MYRFL: variants seen among roughly 807,000 people sequenced by gnomAD.
The protein encoded by MYRFL is myelin regulatory factor-like protein.
Under a neutral mutation model 109.4 loss-of-function variants are expected in MYRFL, and 88 were observed. The observed-to-expected ratio is 0.80, with a 90% CI of 0.68 to 0.96. The LOEUF (loss-of-function observed/expected upper bound fraction) is 0.96. MYRFL is among the 40% of genes least tolerant of loss of function. The pLI is 0.00. For synonymous variants in MYRFL, 324 were observed against 320.9 expected (o/e 1.01, Z -0.10); for missense variants, 957 against 954.9 (o/e 1.00, Z -0.03).
At chr12:69,861,246 C>T (rs1884643372) in intron 2 of MYRFL, among the ~76,000 whole-genome samples, 2 of 152,006 alleles carry the variant, frequency 1.3e-5, no homozygotes, top group South Asian at 4.2e-4. Flanking sequence ...GATTTATAGT[C>T]CTTTGGGTAT....
intron 1 of MYRFL, among the ~76,000 whole-genome samples, chr12:69,835,340 C>T (rs1882870573): frequency 6.6e-6 from 1 of 151,784 alleles, no homozygotes; most frequent in Non-Finnish European, 1.5e-5. Context: ...TTAACTACTT[C>T]TGCTGTTTTT....
At chr12:69,867,862 A>T (rs944611646) in intron 2 of MYRFL, among the ~76,000 whole-genome samples, 3 of 152,196 alleles carry the variant, frequency 2.0e-5, no homozygotes, top group Non-Finnish European at 4.4e-5. Context: ...ATATAATAAG[A>T]GAAAGCCTGA....
chr12:69,866,054 G>A (rs577991674), intron 2 of MYRFL, among the ~76,000 whole-genome samples: 3 of 152,228 alleles, frequency 2.0e-5, no homozygotes, highest in Middle Eastern at 3.4e-3. Flanking sequence ...AGGTCAATAC[G>A]TGGCAAAGCT....
At chr12:69,855,843 T>C (rs914752378) in intron 2 of MYRFL, among the ~76,000 whole-genome samples, 5 of 152,148 alleles carry the variant, frequency 3.3e-5, no homozygotes, top group African/African-American at 9.6e-5. Flanking sequence ...TCTCTCAAAG[T>C]ACCAGCTTTT....
At chr12:69,911,415 T>A (rs1954567018) in intron 13 of MYRFL, among the ~76,000 whole-genome samples, 2 of 152,196 alleles carry the variant, frequency 1.3e-5, no homozygotes, top group Admixed American at 6.5e-5. Context: ...TTGAGCATAG[T>A]TTTTTTGATG....
At chr12:69,835,912 C>T (rs774411374) in intron 1 of MYRFL, among the ~76,000 whole-genome samples, 3 of 152,194 alleles carry the variant, frequency 2.0e-5, no homozygotes, top group Admixed American at 6.5e-5. Context: ...ACAGTGTGCT[C>T]TTTTAGTTTT....
At chr12:69,902,994 CAG>C (rs1239584709) in intron 10 of MYRFL, among the ~76,000 whole-genome samples, 2 of 152,196 alleles carry the variant, frequency 1.3e-5, no homozygotes, top group African/African-American at 4.8e-5. Flanking sequence ...TTTATCTTTT[CAG>C]AGTGTCAGTG....
chr12:69,893,848 T>C lies in MYRFL; in HGVS notation c.980+8T>C. On this transcript the variant is annotated splice_region_variant and intron_variant, in intron 8 of 24. Coordinates refer to ENST00000552032, the MANE Select transcript of MYRFL (RefSeq NM_182530.3). ...GATTTTCAATCCTGTTAAGTAAGAA[T>C]TTATTTTCTGAATTCCTTTGTGAAT... The C allele has an allele frequency of 7.6e-7, 1 of 1,322,304 alleles. No homozygotes were observed. The highest frequency in any genetic ancestry group is 9.7e-7 in the Non-Finnish European group (1 of 1,028,794). The allele number at this position is 1,322,304 out of a possible 1,614,324, so 81.9% of individuals were successfully genotyped here. A position where few individuals can be genotyped will look rare whatever the true frequency, so the allele number is the denominator to read the frequency against.
chr12:69,830,483 CTATATA>C (rs145145377), intron 1 of MYRFL, among the ~76,000 whole-genome samples: 1 of 147,760 alleles, frequency 6.8e-6, no homozygotes, highest in Non-Finnish European at 1.5e-5. Context: ...ATAGAGATAT[CTATATA>C]TATATATATC....
intron 1 of MYRFL, among the ~76,000 whole-genome samples, chr12:69,848,671 G>A (rs936829652): frequency 6.6e-6 from 1 of 152,056 alleles, no homozygotes; most frequent in African/African-American, 2.4e-5. Context: ...TAAAATATAT[G>A]TCATATGCAA....
intron 1 of MYRFL, among the ~76,000 whole-genome samples, chr12:69,852,208 G>A (rs1334599827): frequency 6.6e-6 from 1 of 152,142 alleles, no homozygotes; most frequent in African/African-American, 2.4e-5. Flanking sequence ...TGTGGGGTTG[G>A]CAGGCATCCT....
intron 19 of MYRFL, among the ~76,000 whole-genome samples, chr12:69,947,431 C>T (rs1297131297): frequency 1.3e-5 from 2 of 152,120 alleles, no homozygotes; most frequent in Non-Finnish European, 2.9e-5. Flanking sequence ...TTATCTCTCC[C>T]TCTCCCCCTC....
At chr12:69,915,881 G>T (rs1233019971) in intron 13 of MYRFL, among the ~76,000 whole-genome samples, 2 of 151,900 alleles carry the variant, frequency 1.3e-5, no homozygotes, top group Non-Finnish European at 2.9e-5. Context: ...CACATTTTTT[G>T]AGCATTATTA....
chr12:69,916,809 A>G (rs937872411), intron 13 of MYRFL, among the ~76,000 whole-genome samples: 2 of 150,140 alleles, frequency 1.3e-5, no homozygotes, highest in Non-Finnish European at 3.0e-5. Flanking sequence ...AAGTAAGGTC[A>G]TTTATATTTG....
chr12:69,896,838 G>A (rs1179597223), intron 9 of MYRFL, among the ~76,000 whole-genome samples: 1 of 152,182 alleles, frequency 6.6e-6, no homozygotes, highest in Non-Finnish European at 1.5e-5. Context: ...TGCTGAATCA[G>A]CACAGATAGG....
At chr12:69,850,899 T>G (rs893634313) in intron 1 of MYRFL, among the ~76,000 whole-genome samples, 1 of 152,140 alleles carries the variant, frequency 6.6e-6, no homozygotes, top group South Asian at 2.1e-4. Context: ...AAAGGAGTCT[T>G]ATACCCTCAA....
chr12:69,905,767 T>C (rs1954336928), intron 11 of MYRFL, among the ~76,000 whole-genome samples: 6 of 152,268 alleles, frequency 3.9e-5, no homozygotes, highest in Admixed American at 3.9e-4. Flanking sequence ...TAGATTTGTT[T>C]TGATAAATCT....
Position 69,898,648 on chromosome 12 carries a change from G to A in MYRFL, c.1182+1402G>A, listed in dbSNP as rs116556902. On this transcript the variant is annotated intron_variant, in intron 10 of 24. Transcript: ENST00000552032. ...ATTGTTTCTCTTAGGAAGGAATAGA[G>A]ACAGATAATGCCATTCTTTTCAGAG... Among the ~76,000 whole-genome samples, 451 of 152,346 alleles carry A rather than the reference G, an allele frequency of 3.0e-3. 3 individuals are homozygous for A. The highest frequency in any genetic ancestry group is 9.6e-3 in the African/African-American group (400 of 41,588).
chr12:69,852,886 G>T (rs1439878561), intron 1 of MYRFL, among the ~76,000 whole-genome samples: 3 of 152,138 alleles, frequency 2.0e-5, no homozygotes, highest in African/African-American at 7.2e-5. Flanking sequence ...ACATGTTTCA[G>T]AGAGCACGGG....
Sources: gnomAD v4.1 joint callset for allele counts (sites outside exome capture counted in the v4.1 genomes callset) on GRCh38, gnomAD v4.1.1 for gene constraint, MANE v1.5 for transcripts, NCBI Gene and HGNC (gene_info 2026-07-23, HGNC 2026-07-21) for gene names.